UNC13B: variants seen among roughly 807,000 people sequenced by gnomAD.
The protein encoded by UNC13B is unc-13 homolog B.
A neutral mutation model predicts 211.0 loss-of-function variants in UNC13B; 144 were observed. The observed-to-expected ratio is 0.68, with a 90% confidence interval of 0.60 to 0.78. The LOEUF (loss-of-function observed/expected upper bound fraction) is 0.78, where lower values mean the gene tolerates loss of function less well. Among genes scored for constraint, UNC13B ranks in the 30% least tolerant of loss-of-function variants. The probability of loss-of-function intolerance (pLI) is 0.00; values close to 1 mark genes in which losing one functional copy is unlikely to be tolerated. For synonymous variants in UNC13B, 709 were observed against 725.8 expected (o/e 0.98, Z 0.37); for missense variants, 1,777 against 2,002.0 (o/e 0.89, Z 2.14).
chr9:35,378,280 A>G lies in UNC13B; in HGVS notation c.10064-15A>G, dbSNP rs545611333. ...TGAACGACTCTGAAGCCTCCTATAC[A>G]TGCTTGGGTTGCAGTGGTGTGTGCC... On this transcript the variant is annotated splice_polypyrimidine_tract_variant and intron_variant, in intron 16 of 39. Coordinates refer to ENST00000635942, the MANE Select transcript of UNC13B (RefSeq NM_001371189.2). 11 of 1,613,992 alleles carry G rather than the reference A, an allele frequency of 6.8e-6. No homozygotes were observed. The highest frequency in any genetic ancestry group is 1.3e-5 in the African/African-American group (1 of 74,918).
At chr9:35,317,938 T>A (rs1293772027) in intron 11 of UNC13B, among the ~76,000 whole-genome samples, 2 of 152,196 alleles carry the variant, frequency 1.3e-5, no homozygotes, top group Non-Finnish European at 1.5e-5. Flanking sequence ...TAATTCTTCC[T>A]ATAAAGCAAA....
chr9:35,271,449 G>A (rs559050380), intron 7 of UNC13B, among the ~76,000 whole-genome samples: 1 of 152,112 alleles, frequency 6.6e-6, no homozygotes, highest in Non-Finnish European at 1.5e-5. Flanking sequence ...TTCTGAGGCT[G>A]TGCAATCTGA....
At chr9:35,203,910 C>A (rs1823481303) in intron 1 of UNC13B, among the ~76,000 whole-genome samples, 2 of 152,242 alleles carry the variant, frequency 1.3e-5, no homozygotes, top group Admixed American at 1.3e-4. Flanking sequence ...TTTTTCAAGA[C>A]AACGAGGAAA....
intron 7 of UNC13B, among the ~76,000 whole-genome samples, chr9:35,260,417 C>T (rs1335341207): frequency 6.6e-6 from 1 of 152,166 alleles, no homozygotes; most frequent in Non-Finnish European, 1.5e-5. Flanking sequence ...AATCACATAG[C>T]TAGTAACTGG....
intron 12 of UNC13B, among the ~76,000 whole-genome samples, chr9:35,368,272 A>G (rs1833901399): frequency 6.6e-6 from 1 of 152,152 alleles, no homozygotes; most frequent in Non-Finnish European, 1.5e-5. Context: ...ATGTGTTCTC[A>G]TCATTTAGCT....
At chr9:35,334,986 C>T (rs1200141912) in intron 11 of UNC13B, among the ~76,000 whole-genome samples, 1 of 152,048 alleles carries the variant, frequency 6.6e-6, no homozygotes, top group Non-Finnish European at 1.5e-5. Context: ...TGCAGTGAGC[C>T]GAGATCGCGC....
In UNC13B at chr9:35,304,922, GA is replaced by G; in HGVS notation, c.5520del (p.Glu1840AspfsTer4). ...AGAATTGATCAAAAATATAAGGCAA[GA>G]ATTCTCTTTAAATAAAAACAACCAT... ...HPELIKNIRQEFSLNKNNHVK... is the reference protein window; with the variant it reads ...HPELIKNIRQXFSLNKNNHVK... On this transcript the variant is annotated frameshift_variant, in exon 9 of 40. Transcript: ENST00000635942. LOFTEE classifies it high-confidence loss of function. 1 of 398,854 alleles carries G rather than the reference GA, an allele frequency of 2.5e-6. No homozygotes were observed. The highest frequency in any genetic ancestry group is 4.4e-6 in the Non-Finnish European group (1 of 225,954). The allele number at this position is 398,854 out of a possible 1,614,324, so 24.7% of individuals were successfully genotyped here. A position where few individuals can be genotyped will look rare whatever the true frequency, so the allele number is the denominator to read the frequency against.
At chr9:35,317,768 C>T (rs1334337999) in intron 11 of UNC13B, among the ~76,000 whole-genome samples, 1 of 150,400 alleles carries the variant, frequency 6.6e-6, no homozygotes, top group Non-Finnish European at 1.5e-5. Context: ...AACTCCTGAC[C>T]TCAAGTGATC....
rs1241265525 is a variant in UNC13B at position 35,302,725 on chromosome 9, A to G, written c.3321A>G (p.Ser1107=). 2 of 398,572 alleles carry G rather than the reference A, an allele frequency of 5.0e-6. No individual in the cohort carries two copies. Among genetic ancestry groups the G allele is most frequent in the South Asian group, 1.3e-4 (1 of 7,858 alleles). The allele number at this position is 398,572 out of a possible 1,614,324, so 24.7% of individuals were successfully genotyped here. Residue 1107 remains serine, a synonymous_variant, in exon 9 of 40, where the codon TCA becomes TCG. Coordinates refer to ENST00000635942, the MANE Select transcript of UNC13B (RefSeq NM_001371189.2). ...EDKNLIQAAS[S]VASDSSLECI... ...AGAATCTTATACAAGCAGCATCTTC[A>G]GTAGCATCAGACTCTTCATTAGAGT...
At chr9:35,289,447 G>T (rs1309265695) in intron 7 of UNC13B, among the ~76,000 whole-genome samples, 1 of 152,076 alleles carries the variant, frequency 6.6e-6, no homozygotes, top group Non-Finnish European at 1.5e-5. Flanking sequence ...ACTCTGTAAG[G>T]CAAGCAAAAA....
At chr9:35,298,367 G>A (rs1490151460) in intron 8 of UNC13B, among the ~76,000 whole-genome samples, 3 of 152,192 alleles carry the variant, frequency 2.0e-5, no homozygotes, top group African/African-American at 7.2e-5. Context: ...GCTATAGTAT[G>A]CCAAGATTGC....
rs1293913464 is a variant in UNC13B at position 35,304,428 on chromosome 9, G to A, written c.5024G>A (p.Cys1675Tyr). Residue 1675 changes from cysteine (C) to tyrosine (Y), a missense_variant, in exon 9 of 40, where the codon TGT (cysteine) becomes TAT (tyrosine). By Grantham distance (194) the Cys-to-Tyr change is radical. Coordinates refer to ENST00000635942, the MANE Select transcript of UNC13B (RefSeq NM_001371189.2). ...ERPCGSEDAE[C>Y]TLDLRNQPQT... Reference sequence around the variant, plus strand: ...CCGTGTGGTTCTGAAGACGCTGAATGTACATTAGATCTCAGAAATCAGCCC... The same window carrying A: ...CCGTGTGGTTCTGAAGACGCTGAATATACATTAGATCTCAGAAATCAGCCC... The A allele has an allele frequency of 7.5e-6, 3 of 398,652 alleles. No homozygotes were observed. Among genetic ancestry groups the A allele is most frequent in the South Asian group, 1.3e-4 (1 of 7,844 alleles). 24.7% of individuals were successfully genotyped at this position (398,652 alleles called of 1,614,324 possible).
At chr9:35,169,193 A>C (rs1273296150) in intron 1 of UNC13B, among the ~76,000 whole-genome samples, 1 of 152,176 alleles carries the variant, frequency 6.6e-6, no homozygotes. Context: ...CCTACTAAAA[A>C]AATATTTAAA....
At chr9:35,393,819 C>A (rs972242855) in intron 26 of UNC13B, among the ~76,000 whole-genome samples, 3 of 152,068 alleles carry the variant, frequency 2.0e-5, no homozygotes, top group African/African-American at 7.2e-5. Flanking sequence ...GATCCACCCC[C>A]CTCAGCCTCC....
At chr9:35,356,074 G>T (rs1833002565) in intron 11 of UNC13B, among the ~76,000 whole-genome samples, 1 of 152,208 alleles carries the variant, frequency 6.6e-6, no homozygotes. Flanking sequence ...AAGAAAGCAA[G>T]TCACAGTTCT....
Position 35,390,717 on chromosome 9 carries a change from A to T in UNC13B, c.11308+3A>T. The T allele has an allele frequency of 5.0e-6, 8 of 1,613,612 alleles. No individual in the cohort carries two copies. Among genetic ancestry groups the T allele is most frequent in the Non-Finnish European group, 6.8e-6 (8 of 1,179,816 alleles). On this transcript the variant is annotated splice_donor_region_variant and intron_variant, in intron 26 of 39. Coordinates refer to ENST00000635942, the MANE Select transcript of UNC13B (RefSeq NM_001371189.2). ...AGACATGAAATATGCATTGGAGGGT[A>T]AGGATCTGTTCAAATCAGTGGGCTG...
intron 7 of UNC13B, among the ~76,000 whole-genome samples, chr9:35,275,145 C>A (rs911830757): frequency 6.6e-6 from 1 of 151,992 alleles, no homozygotes; most frequent in African/African-American, 2.4e-5. Flanking sequence ...TCTCCCAAGT[C>A]TCCCAACCAG....
intron 21 of UNC13B, among the ~76,000 whole-genome samples, chr9:35,383,417 T>A (rs1245088732): frequency 1.3e-5 from 2 of 152,188 alleles, no homozygotes; most frequent in Non-Finnish European, 2.9e-5. Context: ...TCACCCCAAT[T>A]CACTGAGTCT....
At chr9:35,384,369 G>A in intron 22 of UNC13B, 55 bp downstream of exon 22, 1 of 1,583,176 alleles carries the variant, frequency 6.3e-7, no homozygotes, top group Non-Finnish European at 8.6e-7. Context: ...CGGTCCCAGA[G>A]AGACTGTAGG....
Sources: allele counts gnomAD v4.1 joint callset (sites outside exome capture counted in the v4.1 genomes callset), GRCh38; gene constraint gnomAD v4.1.1; transcripts MANE v1.5; gene names NCBI Gene and HGNC (gene_info 2026-07-23, HGNC 2026-07-21).